Variants in CCNE2 observed in about 807,000 individuals in gnomAD.
The protein encoded by CCNE2 is cyclin E2.
A neutral mutation model predicts 56.8 loss-of-function variants in CCNE2; 18 were observed. The observed-to-expected ratio is 0.32, with a 90% CI of 0.22 to 0.47. The LOEUF (loss-of-function observed/expected upper bound fraction) is 0.47. Ranked by LOEUF, CCNE2 falls within the 20% of genes least tolerant of loss-of-function variation. CCNE2 has a pLI of 1.00. For synonymous variants in CCNE2, 139 were observed against 149.2 expected (o/e 0.93, Z 0.50); for missense variants, 371 against 467.1 (o/e 0.79, Z 1.90).
chr8:94,890,638 G>GA (rs1817204179), intron 5 of CCNE2, 88 bp from the exon 6 acceptor site: 1 of 336,998 alleles, frequency 3.0e-6, no homozygotes. Context: ...TGTGGCCCAG[G>GA]CTAGAGTGCA....
At chr8:94,893,760 G>T in intron 4 of CCNE2, 131 bp downstream of exon 4, 1 of 912,944 alleles carries the variant, frequency 1.1e-6, no homozygotes, top group Non-Finnish European at 1.7e-6. Context: ...GCGCCTTCCT[G>T]CTGACCTCTA....
chr8:94,885,617 C>T (rs1171669602), intron 7 of CCNE2, 59 bp from the exon 8 acceptor site: 2 of 1,059,616 alleles, frequency 1.9e-6, no homozygotes, highest in Non-Finnish European at 2.9e-6. Context: ...TACAAATGTT[C>T]CTCAGTCTAC....
intron 11 of CCNE2, 125 bp from the exon 12 acceptor site, chr8:94,881,870 G>T: frequency 3.5e-6 from 4 of 1,152,476 alleles, no homozygotes; most frequent in South Asian, 1.6e-5. Flanking sequence ...AAGTGTGAAG[G>T]GTCATATTCT....
upstream of CCNE2, chr8:94,896,519 C>G (rs995607150): frequency 6.6e-6 from 1 of 151,992 alleles, no homozygotes; most frequent in African/African-American, 2.4e-5. Flanking sequence ...GCGGCGGGAG[C>G]AGCGAGGCGG....
chr8:94,885,315 A>C, intron 8 of CCNE2, 114 bp from the exon 9 acceptor site: 1 of 1,121,230 alleles, frequency 8.9e-7, no homozygotes, highest in Non-Finnish European at 1.3e-6. Context: ...CATTGTCAAT[A>C]TTTTGATGCA....
intron 5 of CCNE2, chr8:94,891,406 C>A (rs1357052327): frequency 1.8e-5 from 5 of 283,850 alleles, no homozygotes; most frequent in African/African-American, 1.1e-4. Flanking sequence ...CACCTGTAAT[C>A]CCTGCACTTT....
chr8:94,885,727 CTTTTT>C (rs747420459), intron 7 of CCNE2, among the ~76,000 whole-genome samples, 169 bp from the exon 8 acceptor site: 1 of 114,170 alleles, frequency 8.8e-6, no homozygotes, highest in Non-Finnish European at 1.8e-5. Flanking sequence ...CATTTTCTTT[CTTTTT>C]TTTTTTTTTT....
upstream of CCNE2, among the ~76,000 whole-genome samples, chr8:94,895,585 G>A (rs1309797708): frequency 6.6e-6 from 1 of 152,206 alleles, no homozygotes; most frequent in African/African-American, 2.4e-5. Context: ...ATAACAGGGG[G>A]ACACGACTCG....
Position 94,880,764 on chromosome 8 carries a change from T to TA in CCNE2, c.*867dup, listed in dbSNP as rs919433641. The TA allele has an allele frequency of 2.3e-3, 733 of 320,158 alleles. No individual in the cohort carries two copies. The highest frequency in any genetic ancestry group is 8.6e-3 in the Middle Eastern group (10 of 1,162). 19.8% of individuals were successfully genotyped at this position (320,158 alleles called of 1,614,324 possible). A position where few individuals can be genotyped will look rare whatever the true frequency, so the allele number is the denominator to read the frequency against. ...AAATAAAGCCTTAGTCACACTAAAT[T>TA]AAAAAAAAAAATTCCTTAGGGATAT... is the stretch of plus-strand genomic sequence containing the variant. On this transcript the variant is annotated 3_prime_UTR_variant, in exon 12 of 12. Transcript: ENST00000308108.
At chr8:94,885,904 A>G (rs1817021279) in intron 7 of CCNE2, among the ~76,000 whole-genome samples, 1 of 151,636 alleles carries the variant, frequency 6.6e-6, no homozygotes, top group African/African-American at 2.4e-5. Flanking sequence ...TTTTCAGGAG[A>G]GAGAGGGTTT....
At chr8:94,884,767 T>C (rs1254811228) in intron 9 of CCNE2, 1 of 231,906 alleles carries the variant, frequency 4.3e-6, no homozygotes, top group African/African-American at 2.2e-5. Context: ...TTCTATGCCA[T>C]TATAAAGCTT....
At chr8:94,893,866 C>G in intron 4 of CCNE2, 25 bp downstream of exon 4, 1 of 1,238,602 alleles carries the variant, frequency 8.1e-7, no homozygotes, top group Non-Finnish European at 1.2e-6. Flanking sequence ...TTCCCCCAAA[C>G]CCACCCAGCC....
intron 6 of CCNE2, among the ~76,000 whole-genome samples, chr8:94,889,654 G>T (rs572371542): frequency 1.3e-5 from 2 of 152,160 alleles, no homozygotes; most frequent in Non-Finnish European, 2.9e-5. Context: ...CCTCCAAAAA[G>T]TCTATGGTCT....
chr8:94,891,580 C>G, intron 5 of CCNE2: 1 of 366,502 alleles, frequency 2.7e-6, no homozygotes, highest in Admixed American at 4.0e-5. Flanking sequence ...ATCACTTGCA[C>G]CCAGGAGGTG....
At chr8:94,891,728 C>G (rs936085290) in intron 5 of CCNE2, 4 of 825,056 alleles carry the variant, frequency 4.8e-6, no homozygotes, top group African/African-American at 3.4e-5. Flanking sequence ...CAGCATGTGC[C>G]ATTCTGACAT....
chr8:94,891,971 T>C (rs1394493681), intron 5 of CCNE2: 5 of 981,416 alleles, frequency 5.1e-6, no homozygotes, highest in Non-Finnish European at 8.0e-6. Flanking sequence ...AACTCACACG[T>C]GATCTCTCCC....
Position 94,885,580 on chromosome 8 carries a change from T to C in CCNE2, c.601-22A>G, listed in dbSNP as rs761769678. 3.7e-6 allele frequency: 5 copies of C among 1,336,818 alleles called. No homozygotes were observed. In the African/African-American group the frequency reaches 5.8e-5, roughly 16 times the overall value. 82.8% of individuals were successfully genotyped at this position (1,336,818 alleles called of 1,614,324 possible). On this transcript the variant is annotated intron_variant, in intron 7 of 11. Coordinates refer to ENST00000308108, the MANE Select transcript of CCNE2 (RefSeq NM_057749.3). ...TTTCCTTTAAATTGTAATATTTTTATTGAGTACAATTGAGATAGAAATTAA... is the reference window on the plus strand; with the variant it reads ...TTTCCTTTAAATTGTAATATTTTTACTGAGTACAATTGAGATAGAAATTAA...
At chr8:94,892,058 A>C (rs1282684166) in intron 5 of CCNE2, 2 of 700,878 alleles carry the variant, frequency 2.9e-6, no homozygotes, top group Non-Finnish European at 5.2e-6. Context: ...CAGAAGAAAA[A>C]GATATCCCAG....
chr8:94,884,987 G>T (rs974640734), intron 9 of CCNE2, 80 bp downstream of exon 9: 1 of 1,227,740 alleles, frequency 8.1e-7, no homozygotes, highest in Admixed American at 2.2e-5. Flanking sequence ...TCATTTTGTG[G>T]TATAGCCTAT....
Sources: gnomAD v4.1 joint callset for allele counts (sites outside exome capture counted in the v4.1 genomes callset) on GRCh38, gnomAD v4.1.1 for gene constraint, MANE v1.5 for transcripts, NCBI Gene and HGNC (gene_info 2026-07-23, HGNC 2026-07-21) for gene names.